The following AGPAT4 variants were observed in gnomAD, a reference collection of about 807,000 sequenced individuals.
AGPAT4 encodes 1-acylglycerol-3-phosphate O-acyltransferase 4, also known as 1-acyl-sn-glycerol-3-phosphate acyltransferase delta.
In AGPAT4, 15 loss-of-function variants were observed where a neutral mutation model predicts 48.0. That is an observed-to-expected ratio of 0.31 (90% CI 0.21 to 0.48). AGPAT4 has a LOEUF of 0.48. Ranked by LOEUF, AGPAT4 falls within the 20% of genes least tolerant of loss-of-function variation. The probability of loss-of-function intolerance (pLI) is 0.99; values close to 1 mark genes in which losing one functional copy is unlikely to be tolerated. For synonymous variants in AGPAT4, 178 were observed against 198.7 expected (o/e 0.90, Z 0.88); for missense variants, 314 against 482.5 (o/e 0.65, Z 3.27).
Position 161,171,733 on chromosome 6 carries a change from C to CAAA in AGPAT4, c.179-5319_179-5317dup, listed in dbSNP as rs36059455. 8.5e-6 allele frequency among the ~76,000 whole-genome samples: 1 copy of CAAA among 117,722 alleles called. No homozygotes were observed. Among genetic ancestry groups the CAAA allele is most frequent in the African/African-American group, 3.0e-5 (1 of 33,064 alleles). 77.2% of individuals were successfully genotyped at this position (117,722 alleles called of 152,430 possible). A position where few individuals can be genotyped will look rare whatever the true frequency, so the allele number is the denominator to read the frequency against. ...TGAAACCCTGTCTCTACTAAAAATACAAAAAAAAAAAAAAAAATTAGCTGG... is the reference window on the plus strand; with the variant it reads ...TGAAACCCTGTCTCTACTAAAAATACAAAAAAAAAAAAAAAAAAAATTAGCTGG... On this transcript the variant is annotated intron_variant, in intron 2 of 8. Coordinates refer to ENST00000320285, the MANE Select transcript of AGPAT4 (RefSeq NM_020133.3). The surrounding 1 kb of genome is among the most constrained non-coding windows in gnomAD (Gnocchi z 4.4).
chr6:161,153,988 G>GTC (rs1779685135), intron 4 of AGPAT4, 161 bp downstream of exon 4: 1 of 952,534 alleles, frequency 1.0e-6, no homozygotes, highest in African/African-American at 1.6e-5. Flanking sequence ...CGGCCCCATG[G>GTC]TCACATACAT....
In AGPAT4 at chr6:161,217,882, GGTTTGTTCT is replaced by G. The variant is rs3837009; in HGVS notation, c.178+14145_178+14153del. Among the ~76,000 whole-genome samples, 80,494 of 151,604 alleles carry G rather than the reference GGTTTGTTCT, an allele frequency of 0.53. 22,354 individuals are homozygous for G. The highest frequency in any genetic ancestry group is 0.7 in the African/African-American group (29,095 of 41,316). On this transcript the variant is annotated intron_variant, in intron 2 of 8. Coordinates refer to ENST00000320285, the MANE Select transcript of AGPAT4 (RefSeq NM_020133.3). This position sits in a 1 kb window ranked among gnomAD's most constrained non-coding sequence, Gnocchi z 4.9. ...CGGGGCCCTGCACACACCAGCTCTG[GGTTTGTTCT>G]TGTTTGGATAACATGCAGAACTCAC...
intron 2 of AGPAT4, among the ~76,000 whole-genome samples, chr6:161,188,261 C>G (rs1162723348): frequency 6.6e-6 from 1 of 152,150 alleles, no homozygotes; most frequent in Admixed American, 6.5e-5. Flanking sequence ...ATATCTCAGC[C>G]TAGGACGCCT....
Position 161,206,514 on chromosome 6 carries a change from T to C in AGPAT4, c.178+25522A>G, listed in dbSNP as rs1210469087. 6.6e-6 allele frequency among the ~76,000 whole-genome samples: 1 copy of C among 152,078 alleles called. No homozygotes were observed. Among genetic ancestry groups the C allele is most frequent in the African/African-American group, 2.4e-5 (1 of 41,426 alleles). On this transcript the variant is annotated intron_variant, in intron 2 of 8. Transcript: ENST00000320285. This position sits in a 1 kb window ranked among gnomAD's most constrained non-coding sequence, Gnocchi z 4.8. ...CTGGACTTCTACCCTTACCTGGCAA[T>C]AATAAGGTGGCATCCCTTGACCCAG...
At chr6:161,156,958 T>C (rs1008580286) in intron 3 of AGPAT4, among the ~76,000 whole-genome samples, 1 of 152,252 alleles carries the variant, frequency 6.6e-6, no homozygotes, top group Non-Finnish European at 1.5e-5. Flanking sequence ...GTTAATTTAA[T>C]ATCTATAGAA....
intron 2 of AGPAT4, among the ~76,000 whole-genome samples, chr6:161,170,879 C>T (rs748232262): frequency 6.6e-6 from 1 of 152,234 alleles, no homozygotes; most frequent in Non-Finnish European, 1.5e-5. Context: ...CCTGTCCTTC[C>T]ACTCTCACCA....
rs113251358 is a variant in AGPAT4, at chr6:161,267,722, C to CAA, written c.-90+6214_-90+6215dup. Among the ~76,000 whole-genome samples, 2 of 139,420 alleles carry CAA rather than the reference C, an allele frequency of 1.4e-5. No homozygotes were observed. Among genetic ancestry groups the CAA allele is most frequent in the African/African-American group, 5.3e-5 (2 of 37,874 alleles). 91.5% of individuals were successfully genotyped at this position (139,420 alleles called of 152,430 possible). A position where few individuals can be genotyped will look rare whatever the true frequency, so the allele number is the denominator to read the frequency against. Reference sequence around the variant, plus strand: ...GGGCAACAAGAACAAAACTCTGTCTCAAAAAAAAAAAGAAAAGAAAAATAT... The same window carrying CAA: ...GGGCAACAAGAACAAAACTCTGTCTCAAAAAAAAAAAAAGAAAAGAAAAATAT... On this transcript the variant is annotated intron_variant, in intron 1 of 8. Coordinates refer to ENST00000320285, the MANE Select transcript of AGPAT4 (RefSeq NM_020133.3). This position sits in a 1 kb window ranked among gnomAD's most constrained non-coding sequence, Gnocchi z 5.2.
At chr6:161,239,181 T>C (rs944873437) in intron 1 of AGPAT4, among the ~76,000 whole-genome samples, 1 of 152,164 alleles carries the variant, frequency 6.6e-6, no homozygotes, top group Non-Finnish European at 1.5e-5. Context: ...TGAAGTGAGT[T>C]ATGTACGGTG....
intron 2 of AGPAT4, among the ~76,000 whole-genome samples, chr6:161,203,582 A>C (rs891528237): frequency 5.3e-5 from 8 of 151,422 alleles, no homozygotes; most frequent in African/African-American, 1.9e-4. Flanking sequence ...TTTTTAGTAG[A>C]GACGGGGGTT....
rs1439904369 is a variant in AGPAT4 at position 161,217,179 on chromosome 6, C to T, written c.178+14857G>A. 6.6e-6 allele frequency among the ~76,000 whole-genome samples: 1 copy of T among 152,120 alleles called. No homozygotes were observed. The highest frequency in any genetic ancestry group is 1.5e-5 in the Non-Finnish European group (1 of 68,026). On this transcript the variant is annotated intron_variant, in intron 2 of 8. Coordinates refer to ENST00000320285, the MANE Select transcript of AGPAT4 (RefSeq NM_020133.3). The surrounding 1 kb of genome is among the most constrained non-coding windows in gnomAD (Gnocchi z 4.9). ...GGCGGAGTGAGCACAGGCGTGGGGACGCGAAAGGACAGGGGAACACCGGAG... is the reference window on the plus strand; with the variant it reads ...GGCGGAGTGAGCACAGGCGTGGGGATGCGAAAGGACAGGGGAACACCGGAG...
rs946261717 is a variant in AGPAT4 at position 161,132,821 on chromosome 6, C to T, written c.*3719G>A. 6 of 152,200 alleles carry T rather than the reference C, an allele frequency of 3.9e-5. No individual in the cohort carries two copies. Among genetic ancestry groups the T allele is most frequent in the African/African-American group, 1.4e-4 (6 of 41,428 alleles). The allele number at this position is 152,200 out of a possible 1,614,324, so 9.4% of individuals were successfully genotyped here. On this transcript the variant is annotated 3_prime_UTR_variant, in exon 9 of 9. Transcript: ENST00000320285. ...TTGGAGAGTTGCATTTTGGGGGGCTCTCCTAGAAGCTCTGGGGGAAGGAAG... is the reference window on the plus strand; with the variant it reads ...TTGGAGAGTTGCATTTTGGGGGGCTTTCCTAGAAGCTCTGGGGGAAGGAAG...
intron 2 of AGPAT4, among the ~76,000 whole-genome samples, chr6:161,182,184 C>T (rs1340763541): frequency 6.6e-6 from 1 of 151,754 alleles, no homozygotes; most frequent in Non-Finnish European, 1.5e-5. Flanking sequence ...AGCCTCTTAC[C>T]CTATCCCCTC....
At position 161,255,503 on chromosome 6, in the gene AGPAT4, T is replaced by G. The variant is rs904111773; in HGVS notation, c.-90+18435A>C. Among the ~76,000 whole-genome samples the G allele has an allele frequency of 6.6e-6, 1 of 152,078 alleles. No homozygotes were observed. The highest frequency in any genetic ancestry group is 2.4e-5 in the African/African-American group (1 of 41,400). On this transcript the variant is annotated intron_variant, in intron 1 of 8. Coordinates refer to ENST00000320285, the MANE Select transcript of AGPAT4 (RefSeq NM_020133.3). The surrounding 1 kb of genome is among the most constrained non-coding windows in gnomAD (Gnocchi z 4.7). Reference sequence around the variant, plus strand: ...TCAACTGATGCGTGGATAAATACAATACAGTATATCCATAAAATGGAATAT... The same window carrying G: ...TCAACTGATGCGTGGATAAATACAAGACAGTATATCCATAAAATGGAATAT...
chr6:161,142,145 C>A lies in AGPAT4; in HGVS notation c.844-2525G>T, dbSNP rs932890815. ...TTGGGATTACAGGCGTGAGCCATTGCGCCCAGCCCCATTCACTTTAAAGTT... is the reference window on the plus strand; with the variant it reads ...TTGGGATTACAGGCGTGAGCCATTGAGCCCAGCCCCATTCACTTTAAAGTT... On this transcript the variant is annotated intron_variant, in intron 7 of 8. Coordinates refer to ENST00000320285, the MANE Select transcript of AGPAT4 (RefSeq NM_020133.3). This position sits in a 1 kb window ranked among gnomAD's most constrained non-coding sequence, Gnocchi z 6.4. Among the ~76,000 whole-genome samples the A allele has an allele frequency of 6.6e-6, 1 of 152,224 alleles. No homozygotes were observed. Among genetic ancestry groups the A allele is most frequent in the African/African-American group, 2.4e-5 (1 of 41,464 alleles).
At chr6:161,268,787 T>TAA (rs1378876003) in intron 1 of AGPAT4, among the ~76,000 whole-genome samples, 1 of 152,184 alleles carries the variant, frequency 6.6e-6, no homozygotes, top group Non-Finnish European at 1.5e-5. Flanking sequence ...GTTGTCCATA[T>TAA]AATTTCCAGG....
rs1346645167 is a variant in AGPAT4 at position 161,226,011 on chromosome 6, T to C, written c.178+6025A>G. On this transcript the variant is annotated intron_variant, in intron 2 of 8. Transcript: ENST00000320285. The surrounding 1 kb of genome is among the most constrained non-coding windows in gnomAD (Gnocchi z 6.3). ...AAGGGAGAGATGATCAGTTTTAGGA[T>C]CATGTCCACCTACAGCCGGTTACTG... Among the ~76,000 whole-genome samples the C allele has an allele frequency of 6.6e-6, 1 of 152,118 alleles. No homozygotes were observed. The highest frequency in any genetic ancestry group is 2.4e-5 in the African/African-American group (1 of 41,420).
At position 161,140,009 on chromosome 6, in the gene AGPAT4, G is replaced by A. The variant is rs983627136; in HGVS notation, c.844-389C>T. Among the ~76,000 whole-genome samples, 1 of 152,224 alleles carries A rather than the reference G, an allele frequency of 6.6e-6. No homozygotes were observed. Among genetic ancestry groups the A allele is most frequent in the African/African-American group, 2.4e-5 (1 of 41,468 alleles). ...TCCACGATAGGTCGGCGGGAGAATG[G>A]AGTGGATGCTGCGCCGAAGCTGCCC... On this transcript the variant is annotated intron_variant, in intron 7 of 8. Coordinates refer to ENST00000320285, the MANE Select transcript of AGPAT4 (RefSeq NM_020133.3). The surrounding 1 kb of genome is among the most constrained non-coding windows in gnomAD (Gnocchi z 6.5).
chr6:161,260,848 C>T (rs531389892), intron 1 of AGPAT4, among the ~76,000 whole-genome samples: 24 of 152,036 alleles, frequency 1.6e-4, no homozygotes, highest in African/African-American at 5.3e-4. Context: ...GTGTTTGAGC[C>T]ACTGCATTCC....
chr6:161,142,228 T>C lies in AGPAT4; in HGVS notation c.844-2608A>G, dbSNP rs1032969073. Reference sequence around the variant, plus strand: ...ATCCCCTCCCCTCACTTATGGCCCATGACATTGCCACAGGACCTCCCACTG... The same window carrying C: ...ATCCCCTCCCCTCACTTATGGCCCACGACATTGCCACAGGACCTCCCACTG... On this transcript the variant is annotated intron_variant, in intron 7 of 8. Transcript: ENST00000320285. This position sits in a 1 kb window ranked among gnomAD's most constrained non-coding sequence, Gnocchi z 6.4. 6.6e-6 allele frequency among the ~76,000 whole-genome samples: 1 copy of C among 152,170 alleles called. No homozygotes were observed. The highest frequency in any genetic ancestry group is 1.5e-5 in the Non-Finnish European group (1 of 68,034).
Sources: gnomAD v4.1 joint callset for allele counts (sites outside exome capture counted in the v4.1 genomes callset) on GRCh38, gnomAD v4.1.1 for gene constraint, Gnocchi (gnomAD v3.1) non-coding constraint, MANE v1.5 for transcripts, NCBI Gene and HGNC (gene_info 2026-07-23, HGNC 2026-07-21) for gene names.